The following ELAPOR1 variants were observed in gnomAD, a reference collection of about 807,000 sequenced individuals.
The protein encoded by ELAPOR1 is endosome-lysosome associated apoptosis and autophagy regulator 1, also known as endosome/lysosome-associated apoptosis and autophagy regulator 1.
In ELAPOR1, 77 loss-of-function variants were observed where a neutral mutation model predicts 119.7. The observed-to-expected ratio is 0.64, with a 90% CI of 0.54 to 0.78. The LOEUF is 0.78. Ranked by LOEUF, ELAPOR1 falls within the 30% of genes least tolerant of loss-of-function variation. ELAPOR1 has a pLI of 0.00. For synonymous variants in ELAPOR1, 481 were observed against 487.2 expected (o/e 0.99, Z 0.17); for missense variants, 1,115 against 1,270.4 (o/e 0.88, Z 1.86).
At chr1:109,135,562 A>T (rs1405717900) in intron 1 of ELAPOR1, among the ~76,000 whole-genome samples, 2 of 152,142 alleles carry the variant, frequency 1.3e-5, no homozygotes, top group Non-Finnish European at 2.9e-5. Flanking sequence ...CAAATTTCTA[A>T]CAAGTCTCCA....
In ELAPOR1 at chr1:109,176,606, CTTTTTTTTTT is replaced by C. The variant is rs1166255748; in HGVS notation, c.952+2777_952+2786del. On this transcript the variant is annotated intron_variant, in intron 7 of 21. Coordinates refer to ENST00000369939, the MANE Select transcript of ELAPOR1 (RefSeq NM_020775.5). The stretch of plus-strand genomic sequence containing the variant: ...AATGAGTGCAGTTTTCTTTTTTTTT[CTTTTTTTTTT>C]TTTTTTTAATTGATCATTCTTGGGT... 7.1e-3 allele frequency among the ~76,000 whole-genome samples: 906 copies of C among 127,826 alleles called. 12 individuals are homozygous for C. Among genetic ancestry groups the C allele is most frequent in the African/African-American group, 0.024 (860 of 35,210 alleles). 83.9% of individuals were successfully genotyped at this position (127,826 alleles called of 152,430 possible). A position where few individuals can be genotyped will look rare whatever the true frequency, so the allele number is the denominator to read the frequency against.
intron 1 of ELAPOR1, among the ~76,000 whole-genome samples, chr1:109,157,343 A>G (rs1304474614): frequency 2.0e-5 from 3 of 152,212 alleles, no homozygotes; most frequent in African/African-American, 7.2e-5. Flanking sequence ...AAATGGTAAA[A>G]TAATTTACCA....
At chr1:109,143,256 A>T (rs1649946980) in intron 1 of ELAPOR1, among the ~76,000 whole-genome samples, 2 of 152,208 alleles carry the variant, frequency 1.3e-5, no homozygotes, top group Non-Finnish European at 1.5e-5. Flanking sequence ...GGCCCATACA[A>T]TGGAATATGA....
At chr1:109,116,680 C>CTTTT (rs71069649) in intron 1 of ELAPOR1, among the ~76,000 whole-genome samples, 25 of 96,850 alleles carry the variant, frequency 2.6e-4, no homozygotes, top group African/African-American at 4.9e-4. Flanking sequence ...CTTCTCTGTT[C>CTTTT]TTTTTTTTTT....
At chr1:109,186,300 G>A (rs1184225171) in intron 8 of ELAPOR1, among the ~76,000 whole-genome samples, 1 of 152,132 alleles carries the variant, frequency 6.6e-6, no homozygotes, top group African/African-American at 2.4e-5. Flanking sequence ...GGCTTGAGGT[G>A]CACGGAGAAG....
At chr1:109,140,036 T>C (rs536459473) in intron 1 of ELAPOR1, among the ~76,000 whole-genome samples, 24 of 152,342 alleles carry the variant, frequency 1.6e-4, no homozygotes, top group Admixed American at 4.6e-4. Context: ...GTATTGGGAT[T>C]ACAGGCGTGA....
chr1:109,184,800 A>G (rs12239846), intron 7 of ELAPOR1, among the ~76,000 whole-genome samples: 52,877 of 152,088 alleles, frequency 0.35, 9,536 homozygotes, highest in Middle Eastern at 0.5. Flanking sequence ...GGGGGACGGG[A>G]AGCGGCAAAC....
At position 109,156,671 on chromosome 1, in the gene ELAPOR1, AGGTAGAACTG is replaced by A. The variant is rs201219393; in HGVS notation, c.154-5220_154-5211del. Among the ~76,000 whole-genome samples the A allele has an allele frequency of 2.1e-3, 322 of 150,678 alleles. 1 individual carries two copies. The highest frequency in any genetic ancestry group is 7.7e-3 in the African/African-American group (309 of 40,040). On this transcript the variant is annotated intron_variant, in intron 1 of 21. Coordinates refer to ENST00000369939, the MANE Select transcript of ELAPOR1 (RefSeq NM_020775.5). ...GTTGGGGGGCACCAAGGCCAGCCCTAGGTAGAACTGGGAAGTAAGGAGGGGCCTTATCCCC... is the reference window on the plus strand; with the variant it reads ...GTTGGGGGGCACCAAGGCCAGCCCTAGGAAGTAAGGAGGGGCCTTATCCCC...
rs1186379417 is a variant in ELAPOR1, at chr1:109,194,504, A to T, written c.2031A>T (p.Ala677=). The change falls in exon 15 of 22, where the codon GCA becomes GCT. Residue 677 remains alanine (A), a synonymous_variant. Transcript: ENST00000369939. ...RTFNYNFSAL[A]NTVTLAGGPS... ...TCAACTACAACTTCTCCGCTTTGGC[A>T]AACACTGTCACTCTTGCTGGAGGGC... 3 of 1,613,932 alleles carry T rather than the reference A, an allele frequency of 1.9e-6. No homozygotes were observed. The East Asian group carries it at 6.7e-5, about 36-fold the overall frequency.
At chr1:109,121,063 G>T (rs982753209) in intron 1 of ELAPOR1, among the ~76,000 whole-genome samples, 1 of 152,182 alleles carries the variant, frequency 6.6e-6, no homozygotes, top group African/African-American at 2.4e-5. Context: ...ATAACGCTTC[G>T]TATCCAGATT....
At chr1:109,130,951 C>T (rs572063532) in intron 1 of ELAPOR1, among the ~76,000 whole-genome samples, 6 of 152,180 alleles carry the variant, frequency 3.9e-5, no homozygotes, top group East Asian at 1.9e-4. Flanking sequence ...CAACCTGGGC[C>T]GCATAGCAAG....
At chr1:109,124,998 G>T (rs181349651) in intron 1 of ELAPOR1, among the ~76,000 whole-genome samples, 1 of 151,732 alleles carries the variant, frequency 6.6e-6, no homozygotes, top group Admixed American at 6.6e-5. Flanking sequence ...GTGTAATCTC[G>T]GCTCACTGCA....
intron 21 of ELAPOR1, chr1:109,201,384 T>A: frequency 2.2e-6 from 1 of 456,096 alleles, no homozygotes; most frequent in Non-Finnish European, 4.4e-6. Context: ...CACTGAGCAA[T>A]TCTGAGCTGG....
intron 15 of ELAPOR1, among the ~76,000 whole-genome samples, chr1:109,196,767 C>T (rs1211610426): frequency 6.6e-6 from 1 of 151,796 alleles, no homozygotes; most frequent in Non-Finnish European, 1.5e-5. Flanking sequence ...ACTGCAACCT[C>T]CGCCTCCCAG....
At chr1:109,201,012 G>A (rs1229334017) in intron 21 of ELAPOR1, 112 bp downstream of exon 21, 8 of 959,246 alleles carry the variant, frequency 8.3e-6, no homozygotes, top group East Asian at 2.6e-5. Context: ...TGCTCCCCAC[G>A]CCCGATACAA....
intron 1 of ELAPOR1, 34 bp from the exon 2 acceptor site, chr1:109,161,860 A>G: frequency 6.3e-7 from 1 of 1,590,404 alleles, no homozygotes; most frequent in Non-Finnish European, 8.6e-7. Flanking sequence ...ATCACTGCTA[A>G]TGCACATTTC....
intron 1 of ELAPOR1, among the ~76,000 whole-genome samples, chr1:109,133,056 C>T (rs1249821553): frequency 1.3e-5 from 2 of 152,010 alleles, no homozygotes; most frequent in East Asian, 3.9e-4. Context: ...ATGGCAAAAC[C>T]CTGTCTCTAC....
chr1:109,173,403 A>G, intron 5 of ELAPOR1, 71 bp from the exon 6 acceptor site: 1 of 1,270,174 alleles, frequency 7.9e-7, no homozygotes, highest in Admixed American at 1.8e-5. Flanking sequence ...TCATCCCAAC[A>G]AGAGGCTATA....
chr1:109,123,383 C>T (rs1017461497), intron 1 of ELAPOR1, among the ~76,000 whole-genome samples: 1 of 152,066 alleles, frequency 6.6e-6, no homozygotes, highest in Non-Finnish European at 1.5e-5. Context: ...TACAGTATGC[C>T]ACAAGATCTT....
Sources: allele counts gnomAD v4.1 joint callset (sites outside exome capture counted in the v4.1 genomes callset), GRCh38; gene constraint gnomAD v4.1.1; transcripts MANE v1.5; gene names NCBI Gene and HGNC (gene_info 2026-07-23, HGNC 2026-07-21).